The following EFCC1 variants were observed in gnomAD, a reference collection of about 807,000 sequenced individuals.
EFCC1 encodes the protein EF-hand and coiled-coil domain containing 1.
A neutral mutation model predicts 52.1 loss-of-function variants in EFCC1; 50 were observed. That is an observed-to-expected ratio of 0.96 (90% confidence interval 0.76 to 1.21). The LOEUF (loss-of-function observed/expected upper bound fraction) is 1.21, where lower values mean the gene tolerates loss of function less well. Among genes scored for constraint, EFCC1 ranks in the 50% most tolerant of loss-of-function variants. EFCC1 has a pLI of 0.00. For missense variants in EFCC1, 837 were observed against 867.3 expected (o/e 0.97, Z 0.44); for synonymous variants, 399 against 396.5 (o/e 1.01, Z -0.08).
Position 129,040,434 on chromosome 3 carries a change from G to A in EFCC1, c.*586G>A, listed in dbSNP as rs1437643159. On this transcript the variant is annotated 3_prime_UTR_variant, in exon 8 of 8. Coordinates refer to ENST00000683648, the MANE Select transcript of EFCC1 (RefSeq NM_001377500.1). The surrounding 1 kb of genome is among the most constrained non-coding windows in gnomAD (Gnocchi z 4.4). ...TTGAACCAGCTCTAGAGGACAGGTAGGATTTAGACAGGTAAAGAAAGGAGG... is the reference window on the plus strand; with the variant it reads ...TTGAACCAGCTCTAGAGGACAGGTAAGATTTAGACAGGTAAAGAAAGGAGG... The A allele has an allele frequency of 3.3e-5, 5 of 152,406 alleles. No homozygotes were observed. Among genetic ancestry groups the A allele is most frequent in the Non-Finnish European group, 7.3e-5 (5 of 68,174 alleles). The allele number at this position is 152,406 out of a possible 1,614,324, so 9.4% of individuals were successfully genotyped here. A position where few individuals can be genotyped will look rare whatever the true frequency, so the allele number is the denominator to read the frequency against.
Position 129,003,856 on chromosome 3 carries a change from G to T in EFCC1, c.759G>T (p.Ala253=), listed in dbSNP as rs562843573. 1.2e-4 allele frequency: 178 copies of T among 1,450,658 alleles called. 2 individuals carry two copies. In the African/African-American group the frequency reaches 2.3e-3, roughly 19 times the overall value. 89.9% of individuals were successfully genotyped at this position (1,450,658 alleles called of 1,614,324 possible). Residue 253 remains alanine (A), a synonymous_variant, in exon 2 of 8, where the codon GCG becomes GCT. Transcript: ENST00000683648. ...TGGGGCACGGCGGGCCGGAGGCTGC[G>T]GTGCGGGAGCTGCGTCAGGCGCAGG... ...HEMGHGGPEA[A]VRELRQAQGA...
chr3:129,023,601 G>A (rs910261541), intron 2 of EFCC1, among the ~76,000 whole-genome samples: 2 of 152,108 alleles, frequency 1.3e-5, no homozygotes, highest in African/African-American at 4.8e-5. Flanking sequence ...CAAAGTGCTG[G>A]GATTACAGGC....
Position 129,040,047 on chromosome 3 carries a change from C to T in EFCC1, c.*199C>T, listed in dbSNP as rs1946404766. 1.7e-6 allele frequency: 1 copy of T among 594,520 alleles called. No homozygotes were observed. The highest frequency in any genetic ancestry group is 2.9e-5 in the South Asian group (1 of 34,580). 36.8% of individuals were successfully genotyped at this position (594,520 alleles called of 1,614,324 possible). A position where few individuals can be genotyped will look rare whatever the true frequency, so the allele number is the denominator to read the frequency against. ...CTGGCAGCCACCCCTTCCTCGGGCT[C>T]CTCCACATTACCTCGCAGCCCCTGC... On this transcript the variant is annotated 3_prime_UTR_variant, in exon 8 of 8. Transcript: ENST00000683648. This position sits in a 1 kb window ranked among gnomAD's most constrained non-coding sequence, Gnocchi z 4.4.
At chr3:129,007,266 C>T (rs1456188856) in intron 2 of EFCC1, among the ~76,000 whole-genome samples, 1 of 152,242 alleles carries the variant, frequency 6.6e-6, no homozygotes, top group Non-Finnish European at 1.5e-5. Flanking sequence ...GTGCCAGAAG[C>T]TCAGATGTCC....
intron 2 of EFCC1, among the ~76,000 whole-genome samples, chr3:129,025,572 G>A (rs1404933112): frequency 6.6e-6 from 1 of 152,192 alleles, no homozygotes; most frequent in African/African-American, 2.4e-5. Flanking sequence ...CAGAGTAAGG[G>A]TGGTAGCTGG....
intron 2 of EFCC1, among the ~76,000 whole-genome samples, chr3:129,007,882 G>C (rs941404219): frequency 6.6e-6 from 1 of 152,164 alleles, no homozygotes; most frequent in Non-Finnish European, 1.5e-5. Context: ...TATCTCTGTA[G>C]CATTCAACCA....
At chr3:129,009,377 A>G (rs1321513459) in intron 2 of EFCC1, among the ~76,000 whole-genome samples, 1 of 152,166 alleles carries the variant, frequency 6.6e-6, no homozygotes, top group East Asian at 1.9e-4. Flanking sequence ...CTCTCTGGCA[A>G]ATTCTCTCCC....
intron 2 of EFCC1, among the ~76,000 whole-genome samples, chr3:129,007,870 T>C (rs1299342322): frequency 6.6e-6 from 1 of 152,252 alleles, no homozygotes; most frequent in Non-Finnish European, 1.5e-5. Context: ...TGTCTAATCC[T>C]TTATCTCTGT....
intron 2 of EFCC1, among the ~76,000 whole-genome samples, chr3:129,016,600 C>T (rs1036048819): frequency 1.1e-4 from 17 of 152,022 alleles, no homozygotes; most frequent in African/African-American, 3.9e-4. Flanking sequence ...TAGCCAGCCC[C>T]CGTGATCACA....
intron 3 of EFCC1, 108 bp downstream of exon 3, chr3:129,030,968 A>G (rs1256757788): frequency 1.5e-6 from 2 of 1,360,840 alleles, no homozygotes; most frequent in East Asian, 5.2e-5. Context: ...CCAGCCTCCA[A>G]ACAGAGCCCA....
chr3:129,037,212 T>G, intron 6 of EFCC1, 95 bp downstream of exon 6: 1 of 1,424,412 alleles, frequency 7.0e-7, no homozygotes, highest in South Asian at 1.5e-5. Flanking sequence ...TAGGCTCTCC[T>G]TACAGTAGGC....
intron 2 of EFCC1, among the ~76,000 whole-genome samples, chr3:129,012,761 G>T (rs1945385739): frequency 6.6e-6 from 1 of 152,190 alleles, no homozygotes; most frequent in Admixed American, 6.5e-5. Flanking sequence ...AAGGATGCAG[G>T]TTAGACAGAA....
rs1367671557 is a variant in EFCC1, at chr3:129,014,012, C to T, written c.980+9935C>T. On this transcript the variant is annotated intron_variant, in intron 2 of 7. Transcript: ENST00000683648. This position sits in a 1 kb window ranked among gnomAD's most constrained non-coding sequence, Gnocchi z 4.3. ...AGAGGACCGAGGTGACTGGAGAAGCCTGGAGCCACCCAAAGTCAGAGACCC... is the reference window on the plus strand; with the variant it reads ...AGAGGACCGAGGTGACTGGAGAAGCTTGGAGCCACCCAAAGTCAGAGACCC... Among the ~76,000 whole-genome samples, 1 of 152,192 alleles carries T rather than the reference C, an allele frequency of 6.6e-6. No homozygotes were observed. Among genetic ancestry groups the T allele is most frequent in the East Asian group, 1.9e-4 (1 of 5,194 alleles).
chr3:129,037,564 C>T (rs1946372569), intron 6 of EFCC1, among the ~76,000 whole-genome samples: 1 of 152,176 alleles, frequency 6.6e-6, no homozygotes, highest in African/African-American at 2.4e-5. Context: ...AAATACACCA[C>T]ATTGCAGATT....
chr3:129,021,636 C>T (rs114193548), intron 2 of EFCC1, among the ~76,000 whole-genome samples: 177 of 152,240 alleles, frequency 1.2e-3, no homozygotes, highest in African/African-American at 3.8e-3. Context: ...TGAGTCTGCG[C>T]GGGTATCTGT....
chr3:129,018,110 A>C (rs937861348), intron 2 of EFCC1, among the ~76,000 whole-genome samples: 3 of 152,158 alleles, frequency 2.0e-5, no homozygotes, highest in Non-Finnish European at 4.4e-5. Flanking sequence ...CTTGGTTTCA[A>C]TTATTCTATA....
intron 3 of EFCC1, among the ~76,000 whole-genome samples, chr3:129,031,782 C>A (rs555492616): frequency 1.1e-4 from 17 of 152,300 alleles, no homozygotes; most frequent in African/African-American, 4.1e-4. Flanking sequence ...ACCAGTGGCT[C>A]CAGGCCTGGT....
Position 129,032,821 on chromosome 3 carries a change from G to T in EFCC1, c.1141G>T (p.Val381Leu), listed in dbSNP as rs1187329347. 15 of 1,550,920 alleles carry T rather than the reference G, an allele frequency of 9.7e-6. No homozygotes were observed. Among genetic ancestry groups the T allele is most frequent in the African/African-American group, 2.7e-5 (2 of 73,030 alleles). The change falls in exon 4 of 8, where the codon GTG becomes TTG. Residue 381 changes from valine to leucine, a missense_variant and splice_region_variant. Coordinates refer to ENST00000683648, the MANE Select transcript of EFCC1 (RefSeq NM_001377500.1). ...SSGSRALDEA[V>L]DEQLFRSVEG... ...CCCCACATCCTGTGCTTCCCCAGCA[G>T]TGGACGAGCAGCTGTTCCGCTCCGT...
At chr3:129,019,950 G>A (rs572785623) in intron 2 of EFCC1, among the ~76,000 whole-genome samples, 1 of 151,830 alleles carries the variant, frequency 6.6e-6, no homozygotes, top group East Asian at 1.9e-4. Context: ...TGTATTTTTA[G>A]TAGAGACAGG....
Sources: allele counts gnomAD v4.1 joint callset (sites outside exome capture counted in the v4.1 genomes callset), GRCh38; gene constraint gnomAD v4.1.1; non-coding constraint Gnocchi (gnomAD v3.1); transcripts MANE v1.5; gene names NCBI Gene and HGNC (gene_info 2026-07-23, HGNC 2026-07-21).